SPATA7: variants seen among roughly 807,000 people sequenced by gnomAD.
SPATA7 encodes the protein spermatogenesis-associated protein 7.
Under a neutral mutation model 51.8 loss-of-function variants are expected in SPATA7, and 43 were observed. That is an observed-to-expected ratio of 0.83 (90% CI 0.65 to 1.07). The LOEUF is 1.07. Among genes scored for constraint, SPATA7 ranks in the 50% least tolerant of loss-of-function variants. SPATA7 has a pLI of 0.00. For missense variants in SPATA7, 683 were observed against 701.3 expected (o/e 0.97, Z 0.30); for synonymous variants, 230 against 252.8 (o/e 0.91, Z 0.86).
chr14:88,402,959 C>CAATAAAAA (rs2076103176), intron 4 of SPATA7, among the ~76,000 whole-genome samples: 1 of 62,018 alleles, frequency 1.6e-5, no homozygotes, highest in East Asian at 6.1e-4. Context: ...AACTCAATAG[C>CAATAAAAA]AAAAAAAAAA....
chr14:88,416,781 T>C lies in SPATA7; in HGVS notation c.309T>C (p.Thr103=), dbSNP rs950129104. The C allele has an allele frequency of 3.1e-6, 5 of 1,611,158 alleles. No individual in the cohort carries two copies. Among genetic ancestry groups the C allele is most frequent in the Non-Finnish European group, 2.5e-6 (3 of 1,177,564 alleles). Residue 103 remains threonine (T), a synonymous_variant, in exon 5 of 12, where the codon ACT becomes ACC. Coordinates refer to ENST00000393545, the MANE Select transcript of SPATA7 (RefSeq NM_018418.5). ...AATGTGAAAAAGAGTTCAAATTAAC[T>C]AAAACTGCAATGCGAGCCAATTATA... The part of the protein sequence containing the change: ...LAQCEKEFKL[T]KTAMRANYKN...
At chr14:88,415,331 G>C (rs2076447452) in intron 4 of SPATA7, 1 of 241,884 alleles carries the variant, frequency 4.1e-6, no homozygotes, top group African/African-American at 2.3e-5. Flanking sequence ...TATTGCTGTT[G>C]GTTTAAAGTC....
chr14:88,419,395 G>C (rs2076573954), intron 5 of SPATA7, among the ~76,000 whole-genome samples: 1 of 138,038 alleles, frequency 7.2e-6, no homozygotes, highest in African/African-American at 2.7e-5. Flanking sequence ...ATTTTGACTA[G>C]TATTTACTTG....
intron 4 of SPATA7, among the ~76,000 whole-genome samples, chr14:88,462,384 C>T (rs990011872): frequency 7.9e-5 from 12 of 152,316 alleles, no homozygotes; most frequent in East Asian, 5.8e-4. Context: ...GCCTGACAGA[C>T]TCATATCCTG....
chr14:88,419,390 G>C (rs1237750967), intron 5 of SPATA7, among the ~76,000 whole-genome samples: 1 of 141,152 alleles, frequency 7.1e-6, no homozygotes, highest in Non-Finnish European at 1.6e-5. Flanking sequence ...GCTTTATTTT[G>C]ACTAGTATTT....
intron 4 of SPATA7, chr14:88,468,020 G>A (rs563024665): frequency 1.3e-5 from 17 of 1,305,300 alleles, no homozygotes; most frequent in Admixed American, 8.1e-5. Flanking sequence ...CGCCACTTAC[G>A]TCCCAGTGCC....
intron 4 of SPATA7, among the ~76,000 whole-genome samples, chr14:88,412,106 C>G (rs2076356727): frequency 6.6e-6 from 1 of 152,058 alleles, no homozygotes. Context: ...TTGCATTTCT[C>G]TGATGATTAG....
In SPATA7 at chr14:88,423,703, A is replaced by T. The variant is rs1332055503; in HGVS notation, c.373-2529A>T. Among the ~76,000 whole-genome samples, 2 of 6,816 alleles carry T rather than the reference A, an allele frequency of 2.9e-4. 1 individual carries two copies. Among genetic ancestry groups the T allele is most frequent in the African/African-American group, 3.9e-4 (2 of 5,146 alleles). The allele number at this position is 6,816 out of a possible 152,430, so 4.5% of individuals were successfully genotyped here. On this transcript the variant is annotated intron_variant, in intron 5 of 11. Transcript: ENST00000393545. ...TTTTTTTTTTTTTTTTTTTTTTGAG[A>T]CGGAGTCTCGCTCTGTCGCCCAGGC...
downstream of SPATA7, among the ~76,000 whole-genome samples, chr14:88,458,390 C>G (rs1338353979): frequency 2.0e-5 from 3 of 152,138 alleles, no homozygotes; most frequent in African/African-American, 7.2e-5. Flanking sequence ...TAATTATTGC[C>G]TCAATTTCAG....
chr14:88,410,473 G>A (rs779234900), intron 4 of SPATA7, among the ~76,000 whole-genome samples: 41 of 152,040 alleles, frequency 2.7e-4, no homozygotes, highest in South Asian at 8.3e-4. Flanking sequence ...GAGAAGAGGC[G>A]TTCTGGTTTT....
chr14:88,438,487 G>C, downstream of SPATA7: 1 of 1,242,262 alleles, frequency 8.0e-7, no homozygotes, highest in Non-Finnish European at 1.2e-6. Context: ...TTTTTAAAAT[G>C]TATGTATAAG....
chr14:88,415,255 T>C (rs2076445163), intron 4 of SPATA7: 1 of 362,970 alleles, frequency 2.8e-6, no homozygotes, highest in Non-Finnish European at 5.8e-6. Flanking sequence ...GGTGCAAATA[T>C]ACCTAGGATA....
chr14:88,468,384 T>G (rs2066866224), intron 4 of SPATA7: 2 of 989,694 alleles, frequency 2.0e-6, no homozygotes, highest in Non-Finnish European at 2.9e-6. Flanking sequence ...CTTTTCCACC[T>G]TAGCGTCTTC....
chr14:88,396,853 A>C (rs1595184877), intron 4 of SPATA7, among the ~76,000 whole-genome samples: 1 of 141,878 alleles, frequency 7.0e-6, no homozygotes, highest in African/African-American at 2.6e-5. Flanking sequence ...CTACCATACT[A>C]TTTTCTTTTC....
chr14:88,385,708 G>A lies in SPATA7; in HGVS notation c.-111G>A, dbSNP rs886050871. The A allele has an allele frequency of 4.4e-4, 467 of 1,056,066 alleles. No homozygotes were observed. The highest frequency in any genetic ancestry group is 3.8e-4 in the Non-Finnish European group (268 of 697,360). 65.4% of individuals were successfully genotyped at this position (1,056,066 alleles called of 1,614,324 possible). ...TGGCAACGGTTTCCCTGCTGCTGCA[G>A]CCCCCGTCGGCTCCTCTTTTCCAGT... On this transcript the variant is annotated 5_prime_UTR_variant, in exon 1 of 12. Transcript: ENST00000393545.
intron 1 of SPATA7, among the ~76,000 whole-genome samples, chr14:88,387,738 G>A (rs2075621651): frequency 6.6e-6 from 1 of 152,160 alleles, no homozygotes; most frequent in African/African-American, 2.4e-5. Context: ...TCTTCAGCAT[G>A]TCACTGTACG....
At chr14:88,433,396 T>C (rs1308903970) in intron 10 of SPATA7, among the ~76,000 whole-genome samples, 184 bp downstream of exon 10, 1 of 152,180 alleles carries the variant, frequency 6.6e-6, no homozygotes, top group East Asian at 1.9e-4. Flanking sequence ...ATTCATACTC[T>C]AGGGGAAGTT....
intron 1 of SPATA7, among the ~76,000 whole-genome samples, chr14:88,391,083 T>C (rs2139864761): frequency 6.6e-6 from 1 of 152,332 alleles, no homozygotes; most frequent in African/African-American, 2.4e-5. Context: ...TTCTAGACTT[T>C]CTATGTGTCC....
intron 1 of SPATA7, 135 bp downstream of exon 1, chr14:88,385,972 G>T: frequency 1.3e-6 from 2 of 1,526,704 alleles, no homozygotes; most frequent in Non-Finnish European, 8.8e-7. Context: ...CGCCAGTGTT[G>T]CCTGGAGCTG....
Sources: gnomAD v4.1 joint callset for allele counts (sites outside exome capture counted in the v4.1 genomes callset) on GRCh38, gnomAD v4.1.1 for gene constraint, MANE v1.5 for transcripts, NCBI Gene and HGNC (gene_info 2026-07-23, HGNC 2026-07-21) for gene names.